The following PNMT variants were observed in gnomAD, a reference collection of about 807,000 sequenced individuals.
PNMT encodes phenylethanolamine N-methyltransferase.
In PNMT, 18 loss-of-function variants were observed where a neutral mutation model predicts 18.9. The observed-to-expected ratio is 0.95, with a 90% CI of 0.66 to 1.41. The LOEUF (loss-of-function observed/expected upper bound fraction) is 1.41. PNMT is among the 40% of genes most tolerant of loss of function. The probability of loss-of-function intolerance (pLI) is 0.00; values close to 1 mark genes in which losing one functional copy is unlikely to be tolerated. For synonymous variants in PNMT, 167 were observed against 168.6 expected, an observed-to-expected ratio of 0.99 and a Z score of 0.08; for missense variants, 378 against 387.0, an observed-to-expected ratio of 0.98 and a Z score of 0.20.
chr17:39,669,376 C>T (rs561877688), intron 1 of PNMT, among the ~76,000 whole-genome samples: 21 of 152,304 alleles, frequency 1.4e-4, no homozygotes, highest in Admixed American at 1.1e-3. Flanking sequence ...CCACTGCGCC[C>T]GGCCAGTAGG....
At position 39,668,532 on chromosome 17, in the gene PNMT, C is replaced by G. The variant is rs2057273018; in HGVS notation, c.57C>G (p.Gly19=). The stretch of plus-strand genomic sequence containing the variant: ...GCGCAGCCCCTGACTCGGCCCCGGG[C>G]CAGGCGGCGGTGGCTTCGGCCTACC... ...NAGAAPDSAP[G]QAAVASAYQR... Residue 19 remains glycine, a synonymous_variant, in exon 1 of 3, where the codon GGC becomes GGG. Coordinates refer to ENST00000269582, the MANE Select transcript of PNMT (RefSeq NM_002686.4). 1 of 1,544,590 alleles carries G rather than the reference C, an allele frequency of 6.5e-7. No homozygotes were observed. The highest frequency in any genetic ancestry group is 8.7e-7 in the Non-Finnish European group (1 of 1,151,294).
rs1406624011 is a variant in PNMT at position 39,668,604 on chromosome 17, T to C, written c.129T>C (p.Pro43=). 6.2e-7 allele frequency: 1 copy of C among 1,604,658 alleles called. No homozygotes were observed. Among genetic ancestry groups the C allele is most frequent in the East Asian group, 2.2e-5 (1 of 44,710 alleles). The change falls in exon 1 of 3, where the codon CCT becomes CCC. Residue 43 remains proline (P), a synonymous_variant. Coordinates refer to ENST00000269582, the MANE Select transcript of PNMT (RefSeq NM_002686.4). ...RAYLRNNYAP[P]RGDLCNPNGV... ...ACCTCCGCAACAACTACGCGCCCCCTCGCGGGGACCTGTGCAACCCGAACG... is the reference window on the plus strand; with the variant it reads ...ACCTCCGCAACAACTACGCGCCCCCCCGCGGGGACCTGTGCAACCCGAACG...
At chr17:39,669,870 C>T (rs528658560) in intron 2 of PNMT, 34 bp downstream of exon 2, 27 of 1,600,936 alleles carry the variant, frequency 1.7e-5, no homozygotes, top group Non-Finnish European at 2.3e-5. Flanking sequence ...GGGGAGGAGG[C>T]TTCCCATAGA....
chr17:39,669,346 G>A (rs2057278893), intron 1 of PNMT, among the ~76,000 whole-genome samples: 1 of 152,158 alleles, frequency 6.6e-6, no homozygotes, highest in Non-Finnish European at 1.5e-5. Context: ...CTCCCAAAGT[G>A]CTGGGATTAC....
chr17:39,669,607 C>CCT (rs1180672736), intron 1 of PNMT, 22 bp from the exon 2 acceptor site: 1 of 1,603,802 alleles, frequency 6.2e-7, no homozygotes, highest in South Asian at 1.1e-5. Context: ...GCACCAGGAC[C>CCT]CTCTTCCTCT....
Position 39,669,842 on chromosome 17 carries a change from G to C in PNMT, c.410+6G>C, listed in dbSNP as rs747347081. On this transcript the variant is annotated splice_donor_region_variant and intron_variant, in intron 2 of 2. Transcript: ENST00000269582. Reference sequence around the variant, plus strand: ...TGCCTCATTGAGGGCAAGGGGTAAGGACTGGGGGGTGAGGGTTGGGGAGGA... The same window carrying C: ...TGCCTCATTGAGGGCAAGGGGTAAGCACTGGGGGGTGAGGGTTGGGGAGGA... 3 of 1,611,718 alleles carry C rather than the reference G, an allele frequency of 1.9e-6. No individual in the cohort carries two copies. The highest frequency in any genetic ancestry group is 2.2e-5 in the South Asian group (2 of 90,984).
In PNMT at chr17:39,670,070, C is replaced by T. The variant is rs1244698879; in HGVS notation, c.530C>T (p.Ala177Val). The T allele has an allele frequency of 1.9e-6, 3 of 1,608,162 alleles. No homozygotes were observed. The highest frequency in any genetic ancestry group is 2.2e-5 in the South Asian group (2 of 91,082). The part of the protein sequence containing the change: ...AGSPAPLPAD[A>V]LVSAFCLEAV... Reference sequence around the variant, plus strand: ...AGCCCAGCTCCCCTGCCTGCTGACGCCCTGGTCTCTGCCTTCTGCTTGGAG... The same window carrying T: ...AGCCCAGCTCCCCTGCCTGCTGACGTCCTGGTCTCTGCCTTCTGCTTGGAG... Residue 177 changes from alanine (A) to valine (V), a missense_variant, in exon 3 of 3, where the codon GCC (alanine) becomes GTC (valine). Ala to Val is a moderately conservative substitution (Grantham distance 64). Coordinates refer to ENST00000269582, the MANE Select transcript of PNMT (RefSeq NM_002686.4).
Position 39,668,571 on chromosome 17 carries a change from G to A in PNMT, c.96G>A (p.Pro32=), listed in dbSNP as rs1243943478. The A allele has an allele frequency of 1.3e-6, 2 of 1,589,458 alleles. No individual in the cohort carries two copies. The highest frequency in any genetic ancestry group is 2.3e-5 in the East Asian group (1 of 44,224). Residue 32 remains proline (P), a synonymous_variant, in exon 1 of 3, where the codon CCG becomes CCA. Transcript: ENST00000269582. ...AVASAYQRFE[P]RAYLRNNYAP... ...CTTCGGCCTACCAGCGCTTCGAGCCGCGCGCCTACCTCCGCAACAACTACG... is the reference window on the plus strand; with the variant it reads ...CTTCGGCCTACCAGCGCTTCGAGCCACGCGCCTACCTCCGCAACAACTACG...
chr17:39,669,563 A>C, intron 1 of PNMT, 66 bp from the exon 2 acceptor site: 2 of 1,088,736 alleles, frequency 1.8e-6, no homozygotes, highest in Non-Finnish European at 2.8e-6. Context: ...AGGGGAGGGA[A>C]GGGTAAGGAG....
chr17:39,669,572 A>T, intron 1 of PNMT, 57 bp from the exon 2 acceptor site: 1 of 1,278,664 alleles, frequency 7.8e-7, no homozygotes, highest in Non-Finnish European at 1.1e-6. Flanking sequence ...AAGGGTAAGG[A>T]GGCAGGGGCT....
At chr17:39,668,340 AG>A (rs71147369), upstream of PNMT, 1,132 of 590,264 alleles carry the variant, frequency 1.9e-3, 13 homozygotes, top group African/African-American at 0.021. Flanking sequence ...ATGGGTGGGG[AG>A]GATGCGGCGC....
At chr17:39,669,570 G>A in intron 1 of PNMT, 59 bp from the exon 2 acceptor site, 1 of 1,245,940 alleles carries the variant, frequency 8.0e-7, no homozygotes, top group South Asian at 1.2e-5. Flanking sequence ...GGAAGGGTAA[G>A]GAGGCAGGGG....
In PNMT at chr17:39,670,436, T is replaced by C. The variant is rs771072855; in HGVS notation, c.*47T>C. 1.4e-6 allele frequency: 2 copies of C among 1,403,052 alleles called. No homozygotes were observed. Among genetic ancestry groups the C allele is most frequent in the Non-Finnish European group, 1.9e-6 (2 of 1,042,064 alleles). The allele number at this position is 1,403,052 out of a possible 1,614,324, so 86.9% of individuals were successfully genotyped here. ...GGCCCCCACCCACCTGGATTCCCTG[T>C]TCTTTGAAGTGGCACCTAATAAAGA... On this transcript the variant is annotated 3_prime_UTR_variant, in exon 3 of 3. Coordinates refer to ENST00000269582, the MANE Select transcript of PNMT (RefSeq NM_002686.4).
chr17:39,668,289 T>C (rs2057270645), upstream of PNMT: 1 of 467,904 alleles, frequency 2.1e-6, no homozygotes. Flanking sequence ...CCCACTCACC[T>C]CCGGTGTGTC....
chr17:39,669,627 A>C lies in PNMT; in HGVS notation c.203-2A>C. ...AGGACCCTCTTCCTCTGCCCTGCCC[A>C]GGTGAAGTGTCCGGACGCACCCTCA... On this transcript the variant is annotated splice_acceptor_variant, in intron 1 of 2. Coordinates refer to ENST00000269582, the MANE Select transcript of PNMT (RefSeq NM_002686.4). LOFTEE classifies it high-confidence loss of function. 6.2e-7 allele frequency: 1 copy of C among 1,613,570 alleles called. No homozygotes were observed. Among genetic ancestry groups the C allele is most frequent in the Non-Finnish European group, 8.5e-7 (1 of 1,179,538 alleles).
intron 1 of PNMT, 71 bp from the exon 2 acceptor site, chr17:39,669,558 A>C (rs1344652575): frequency 9.8e-7 from 1 of 1,022,828 alleles, no homozygotes; most frequent in Non-Finnish European, 1.5e-6. Context: ...GATGCAGGGG[A>C]GGGAAGGGTA....
upstream of PNMT, chr17:39,668,215 C>T: frequency 5.7e-6 from 2 of 352,808 alleles, no homozygotes; most frequent in Non-Finnish European, 9.7e-6. Flanking sequence ...AGGCGGAGGG[C>T]GAGGGCTGCG....
In PNMT at chr17:39,669,767, TGCA is replaced by T. The variant is rs765213037; in HGVS notation, c.343_345del (p.Gln115del). On this transcript the variant is annotated inframe_deletion, in exon 2 of 3. Transcript: ENST00000269582. ...AACCGCCAGGAGCTGGGGCGCTGGC[TGCA>T]GGAGGAGCCGGGGGCCTTCAACTGG... 6.2e-7 allele frequency: 1 copy of T among 1,614,026 alleles called. No homozygotes were observed. The highest frequency in any genetic ancestry group is 8.5e-7 in the Non-Finnish European group (1 of 1,179,988).
chr17:39,668,360 C>G (rs2057271122), upstream of PNMT: 1 of 801,924 alleles, frequency 1.2e-6, no homozygotes, highest in South Asian at 2.7e-5. Flanking sequence ...GCACATGGCC[C>G]CGGGCGGCTC....
Sources: gnomAD v4.1 joint callset for allele counts (sites outside exome capture counted in the v4.1 genomes callset) on GRCh38, gnomAD v4.1.1 for gene constraint, MANE v1.5 for transcripts, NCBI Gene and HGNC (gene_info 2026-07-23, HGNC 2026-07-21) for gene names.